Variants in TTC3 observed in about 807,000 individuals in gnomAD.
The protein encoded by TTC3 is tetratricopeptide repeat domain 3.
TTC3 carries 180 observed loss-of-function variants against 249.6 expected under a neutral mutation model. The observed-to-expected ratio is 0.72, with a 90% CI of 0.64 to 0.82. TTC3 has a LOEUF of 0.82. Among genes scored for constraint, TTC3 ranks in the 40% least tolerant of loss-of-function variants. The probability of loss-of-function intolerance (pLI) is 0.00; values close to 1 mark genes in which losing one functional copy is unlikely to be tolerated. For synonymous variants in TTC3, 717 were observed against 805.0 expected, an observed-to-expected ratio of 0.89 and a Z score of 1.85; for missense variants, 2,061 against 2,398.4, an observed-to-expected ratio of 0.86 and a Z score of 2.94.
rs762013648 is a variant in TTC3, at chr21:37,091,414, G to A, written c.601+1G>A. 6.2e-7 allele frequency: 1 copy of A among 1,605,102 alleles called. No homozygotes were observed. Reference sequence around the variant, plus strand: ...ATGTTAAGTATTTTCTTTACTGAATGTAAGTATAAATGCTTTAAATTGTTA... The same window carrying A: ...ATGTTAAGTATTTTCTTTACTGAATATAAGTATAAATGCTTTAAATTGTTA... On this transcript the variant is annotated splice_donor_variant, in intron 7 of 45. Transcript: ENST00000355666. LOFTEE classifies it high-confidence loss of function.
chr21:37,161,546 C>CCA (rs1601887758), intron 30 of TTC3, among the ~76,000 whole-genome samples: 1 of 5,648 alleles, frequency 1.8e-4, no homozygotes, highest in East Asian at 5.0e-3. Context: ...CAGGCGTGAG[C>CCA]CACTGTGCCA....
At chr21:37,118,551 G>A (rs2835606) in intron 11 of TTC3, among the ~76,000 whole-genome samples, 37 of 152,084 alleles carry the variant, frequency 2.4e-4, no homozygotes, top group African/African-American at 8.4e-4. Flanking sequence ...TTTGAGGGGC[G>A]CATTAGGACT....
At chr21:37,152,154 AT>A in intron 26 of TTC3, 125 bp downstream of exon 26, 1 of 1,120,548 alleles carries the variant, frequency 8.9e-7, no homozygotes, top group Non-Finnish European at 1.2e-6. Flanking sequence ...TAGTAATTTA[AT>A]ACTATCACTG....
At chr21:37,076,786 T>G (rs2070941646) in intron 1 of TTC3, among the ~76,000 whole-genome samples, 1 of 137,992 alleles carries the variant, frequency 7.2e-6, no homozygotes, top group African/African-American at 2.7e-5. Context: ...CACTGCAACC[T>G]CTGCCTCCCA....
chr21:37,082,723 T>C, intron 1 of TTC3: 3 of 985,392 alleles, frequency 3.0e-6, no homozygotes, highest in Non-Finnish European at 3.6e-6. Flanking sequence ...TGTTTTTTTT[T>C]TTAATCTAGG....
chr21:37,161,410 G>C (rs928363397), intron 30 of TTC3, among the ~76,000 whole-genome samples: 1 of 152,200 alleles, frequency 6.6e-6, no homozygotes, highest in African/African-American at 2.4e-5. Flanking sequence ...CGAGTAGCCG[G>C]AATGACAGGC....
intron 35 of TTC3, 58 bp downstream of exon 35, chr21:37,172,802 T>C (rs1347334271): frequency 1.4e-5 from 23 of 1,589,894 alleles, no homozygotes; most frequent in Non-Finnish European, 1.6e-5. Context: ...AGAATGTGAG[T>C]GTAGCTGTGC....
chr21:37,100,972 T>C (rs972968609), intron 10 of TTC3: 2 of 152,222 alleles, frequency 1.3e-5, no homozygotes, highest in African/African-American at 4.8e-5. Context: ...GCTTATGTAA[T>C]GTACATGATT....
At chr21:37,154,581 A>G (rs550451532) in intron 27 of TTC3, among the ~76,000 whole-genome samples, 1 of 152,350 alleles carries the variant, frequency 6.6e-6, no homozygotes, top group East Asian at 1.9e-4. Context: ...GTTATGCTAC[A>G]CGGTCAAGAC....
intron 21 of TTC3, 27 bp from the exon 22 acceptor site, chr21:37,147,454 G>C (rs1462293589): frequency 6.3e-7 from 1 of 1,580,800 alleles, no homozygotes; most frequent in South Asian, 1.2e-5. Flanking sequence ...TATTGTAATG[G>C]TATCATTTTT....
exon 35 of TTC3, chr21:37,172,699 C>A (rs1392850429): frequency 6.2e-7 from 1 of 1,613,784 alleles, no homozygotes; most frequent in Non-Finnish European, 8.5e-7. Flanking sequence ...TAGAAGAGAC[C>A]AGGGACCTGG....
rs539558046 is a variant in TTC3, at chr21:37,089,798, G to A, written c.427-435G>A. ...CAAAGTGCTGGGATTACCAGTGTGA[G>A]CCTGTAGAAACCTCACCTCTACTAA... is the stretch of plus-strand genomic sequence containing the variant. On this transcript the variant is annotated intron_variant, in intron 5 of 45. Transcript: ENST00000355666. 2.0e-5 allele frequency among the ~76,000 whole-genome samples: 3 copies of A among 152,172 alleles called. 1 individual carries two copies. The South Asian group carries it at 6.2e-4, about 32-fold the overall frequency.
chr21:37,106,137 T>A (rs1482664144), intron 10 of TTC3, among the ~76,000 whole-genome samples: 1 of 152,242 alleles, frequency 6.6e-6, no homozygotes, highest in Non-Finnish European at 1.5e-5. Flanking sequence ...CCGCTGTGAT[T>A]ATAATTTGTA....
chr21:37,156,992 A>T (rs34933834), intron 28 of TTC3, 86 bp downstream of exon 28: 2 of 1,483,090 alleles, frequency 1.3e-6, no homozygotes, highest in Non-Finnish European at 1.8e-6. Context: ...TAAATATATA[A>T]CAAAGAAAAT....
At chr21:37,089,984 C>G (rs200997023) in intron 5 of TTC3, among the ~76,000 whole-genome samples, 1 of 141,922 alleles carries the variant, frequency 7.0e-6, no homozygotes, top group African/African-American at 2.6e-5. Flanking sequence ...GACCCTGTCT[C>G]AAAAAAAAAA....
exon 17 of TTC3, chr21:37,132,760 A>G: frequency 6.2e-7 from 1 of 1,602,050 alleles, no homozygotes; most frequent in Non-Finnish European, 8.5e-7. Flanking sequence ...CCAGAGCTGC[A>G]CACCAGGTAA....
chr21:37,187,486 C>T (rs2083434806), intron 38 of TTC3, among the ~76,000 whole-genome samples: 1 of 152,176 alleles, frequency 6.6e-6, no homozygotes, highest in Admixed American at 6.5e-5. Context: ...AAGTAGCCAA[C>T]CATATTTGCC....
chr21:37,189,730 G>A (rs1008038969), intron 39 of TTC3, among the ~76,000 whole-genome samples: 11 of 151,532 alleles, frequency 7.3e-5, no homozygotes, highest in African/African-American at 2.4e-4. Context: ...TGTATTTTTA[G>A]TAGAGATGAA....
At chr21:37,093,965 C>A in intron 7 of TTC3, 40 bp from the exon 8 acceptor site, 1 of 1,354,244 alleles carries the variant, frequency 7.4e-7, no homozygotes, top group Non-Finnish European at 1.0e-6. Context: ...TTTTTTTAAA[C>A]AAATGTTCTC....
Sources: gnomAD v4.1 joint callset for allele counts (sites outside exome capture counted in the v4.1 genomes callset) on GRCh38, gnomAD v4.1.1 for gene constraint, MANE v1.5 for transcripts, NCBI Gene and HGNC (gene_info 2026-07-23, HGNC 2026-07-21) for gene names.